DLGAP4: variants seen among roughly 807,000 people sequenced by gnomAD.
DLGAP4 encodes disks large-associated protein 4.
Under a neutral mutation model 86.9 loss-of-function variants are expected in DLGAP4, and 18 were observed. That is an observed-to-expected ratio of 0.21 (90% CI 0.14 to 0.31). The LOEUF (loss-of-function observed/expected upper bound fraction) is 0.31. Among genes scored for constraint, DLGAP4 ranks in the 10% least tolerant of loss-of-function variants. The probability of loss-of-function intolerance (pLI) is 1.00; values close to 1 mark genes in which losing one functional copy is unlikely to be tolerated. For missense variants in DLGAP4, 1,085 were observed against 1,362.6 expected (o/e 0.80, Z 3.21); for synonymous variants, 548 against 574.3 (o/e 0.95, Z 0.65).
At chr20:36,351,427 T>C (rs1177168377) in intron 1 of DLGAP4, among the ~76,000 whole-genome samples, 2 of 151,908 alleles carry the variant, frequency 1.3e-5, no homozygotes, top group Admixed American at 1.3e-4. Flanking sequence ...GAACTGCACA[T>C]GTGAGGGATC....
chr20:36,435,629 G>C (rs1251914984), intron 3 of DLGAP4, among the ~76,000 whole-genome samples: 1 of 152,170 alleles, frequency 6.6e-6, no homozygotes, highest in Non-Finnish European at 1.5e-5. Context: ...TTGGCTCTGG[G>C]ATCCCGTCCC....
chr20:36,349,463 G>C (rs1356994643), intron 1 of DLGAP4, among the ~76,000 whole-genome samples: 3 of 151,998 alleles, frequency 2.0e-5, no homozygotes, highest in Non-Finnish European at 4.4e-5. Context: ...TTTAGGTGTA[G>C]GGAACGTAGC....
chr20:36,479,025 G>T (rs2035066501), intron 7 of DLGAP4, among the ~76,000 whole-genome samples: 1 of 152,186 alleles, frequency 6.6e-6, no homozygotes, highest in South Asian at 2.1e-4. Flanking sequence ...GGCTGACCCT[G>T]TGCCATTGTT....
chr20:36,389,007 G>C (rs917044472), intron 2 of DLGAP4, among the ~76,000 whole-genome samples: 3 of 152,222 alleles, frequency 2.0e-5, no homozygotes, highest in African/African-American at 4.8e-5. Context: ...GCCAAGTCCA[G>C]AGTTTTGGTC....
At chr20:36,506,058 A>G (rs1037952359) in intron 10 of DLGAP4, among the ~76,000 whole-genome samples, 1 of 152,166 alleles carries the variant, frequency 6.6e-6, no homozygotes, top group Non-Finnish European at 1.5e-5. Context: ...ATTCCTTTTC[A>G]TAGTAAGTCT....
chr20:36,526,107 TGTC>T, intron 12 of DLGAP4, 101 bp downstream of exon 12: 1 of 1,556,992 alleles, frequency 6.4e-7, no homozygotes, highest in Non-Finnish European at 8.8e-7. Context: ...CTTCTCCGTG[TGTC>T]GTCTTTGAGC....
At position 36,413,413 on chromosome 20, in the gene DLGAP4, C is replaced by CTTTT. The variant is rs71184094; in HGVS notation, c.-72-18214_-72-18211dup. 7.7e-4 allele frequency among the ~76,000 whole-genome samples: 55 copies of CTTTT among 71,026 alleles called. 5 individuals carry two copies. Among genetic ancestry groups the CTTTT allele is most frequent in the Non-Finnish European group, 1.1e-3 (43 of 40,540 alleles). The allele number at this position is 71,026 out of a possible 152,430, so 46.6% of individuals were successfully genotyped here. ...TTCCTGTTGATTTGCTTGTTCTGGACTTTTTTTTTTTTTTTTTTTTTTGAG... is the reference window on the plus strand; with the variant it reads ...TTCCTGTTGATTTGCTTGTTCTGGACTTTTTTTTTTTTTTTTTTTTTTTTTTGAG... On this transcript the variant is annotated intron_variant, in intron 2 of 12. Coordinates refer to ENST00000339266, the MANE Select transcript of DLGAP4 (RefSeq NM_001365621.2).
intron 2 of DLGAP4, among the ~76,000 whole-genome samples, chr20:36,385,393 C>T (rs2031559014): frequency 6.6e-6 from 1 of 152,278 alleles, no homozygotes; most frequent in Admixed American, 6.5e-5. Flanking sequence ...TTGAAAAGGG[C>T]TGGCAGGTTA....
intron 7 of DLGAP4, chr20:36,461,792 G>T (rs2034088508): frequency 2.2e-6 from 2 of 907,544 alleles, no homozygotes; most frequent in Non-Finnish European, 2.6e-6. Flanking sequence ...CTGTCCAGCC[G>T]CCAGTCCTCC....
rs1051984326 is a variant in DLGAP4, at chr20:36,527,567, G to A, written c.*536G>A. ...CTGGGTCTCAGCCCTCTCTGCGGTTGAGGGCCCAGAGGACAGAGAGATGGA... is the reference window on the plus strand; with the variant it reads ...CTGGGTCTCAGCCCTCTCTGCGGTTAAGGGCCCAGAGGACAGAGAGATGGA... On this transcript the variant is annotated 3_prime_UTR_variant, in exon 13 of 13. Transcript: ENST00000339266. 2 of 152,976 alleles carry A rather than the reference G, an allele frequency of 1.3e-5. No individual in the cohort carries two copies. The highest frequency in any genetic ancestry group is 2.4e-5 in the African/African-American group (1 of 41,442). 9.5% of individuals were successfully genotyped at this position (152,976 alleles called of 1,614,324 possible). A position where few individuals can be genotyped will look rare whatever the true frequency, so the allele number is the denominator to read the frequency against.
At position 36,432,485 on chromosome 20, in the gene DLGAP4, C is replaced by T. The variant is rs200799689; in HGVS notation, c.768C>T (p.Thr256=). 1 of 1,613,648 alleles carries T rather than the reference C, an allele frequency of 6.2e-7. No homozygotes were observed. Among genetic ancestry groups the T allele is most frequent in the South Asian group, 1.1e-5 (1 of 91,066 alleles). ...CCATCAGTGGGCACATGCTCAAAAC[C>T]ACCAAGAACAACACTACTGAGCTGA... ...YNTISGHMLK[T]TKNNTTELTA... is the part of the protein sequence containing the mutation. The change falls in exon 3 of 13, where the codon ACC becomes ACT. Residue 256 remains threonine (T), a synonymous_variant. Coordinates refer to ENST00000339266, the MANE Select transcript of DLGAP4 (RefSeq NM_001365621.2). This position sits in a 1 kb window ranked among gnomAD's most constrained non-coding sequence, Gnocchi z 6.5.
chr20:36,445,181 G>A (rs1422708053), intron 6 of DLGAP4, among the ~76,000 whole-genome samples: 1 of 152,074 alleles, frequency 6.6e-6, no homozygotes, highest in Non-Finnish European at 1.5e-5. Context: ...AACCCAAATA[G>A]CCATACATGG....
intron 10 of DLGAP4, among the ~76,000 whole-genome samples, chr20:36,517,084 AAAAG>A (rs1396072680): frequency 2.0e-5 from 3 of 151,372 alleles, no homozygotes; most frequent in South Asian, 2.1e-4. Flanking sequence ...GTCTTAAAAA[AAAAG>A]AAAGAAAAGG....
chr20:36,469,773 A>G (rs1285920320), intron 7 of DLGAP4, among the ~76,000 whole-genome samples: 1 of 149,886 alleles, frequency 6.7e-6, no homozygotes, highest in African/African-American at 2.5e-5. Flanking sequence ...AAAAAAAAGT[A>G]ACAAAAGAGG....
intron 7 of DLGAP4, among the ~76,000 whole-genome samples, chr20:36,448,096 C>T (rs56237611): frequency 6.6e-6 from 1 of 151,208 alleles, no homozygotes; most frequent in Non-Finnish European, 1.5e-5. Flanking sequence ...TGGCTCACGC[C>T]TATAATCCCA....
At chr20:36,410,076 T>C (rs1015332580) in intron 2 of DLGAP4, among the ~76,000 whole-genome samples, 1 of 151,542 alleles carries the variant, frequency 6.6e-6, no homozygotes, top group Non-Finnish European at 1.5e-5. Context: ...CTTTCTTCCA[T>C]CCACCTTGTT....
At chr20:36,453,868 G>T (rs901823254) in intron 7 of DLGAP4, among the ~76,000 whole-genome samples, 3 of 149,576 alleles carry the variant, frequency 2.0e-5, no homozygotes, top group Non-Finnish European at 3.0e-5. Context: ...AGGAGGCGGA[G>T]GTTGCAGTGA....
intron 7 of DLGAP4, among the ~76,000 whole-genome samples, chr20:36,480,933 G>A (rs1325734280): frequency 6.6e-6 from 1 of 152,104 alleles, no homozygotes; most frequent in Non-Finnish European, 1.5e-5. Context: ...TTGAGCCCGG[G>A]CTATCAAGGC....
At chr20:36,312,257 C>T (rs1201654966) in intron 1 of DLGAP4, among the ~76,000 whole-genome samples, 4 of 152,168 alleles carry the variant, frequency 2.6e-5, no homozygotes, top group Non-Finnish European at 5.9e-5. Flanking sequence ...TGACCATGAC[C>T]GGCAGTCCAT....
Sources: allele counts gnomAD v4.1 joint callset (sites outside exome capture counted in the v4.1 genomes callset), GRCh38; gene constraint gnomAD v4.1.1; non-coding constraint Gnocchi (gnomAD v3.1); transcripts MANE v1.5; gene names NCBI Gene and HGNC (gene_info 2026-07-23, HGNC 2026-07-21).